SCML2: variants seen among roughly 807,000 people sequenced by gnomAD.
SCML2 encodes Scm polycomb group protein like 2, also known as sex comb on midleg-like protein 2.
Under a neutral mutation model 48.4 loss-of-function variants are expected in SCML2, and 6 were observed. The ratio of observed to expected loss-of-function variants is 0.12; its 90% CI spans 0.07 to 0.24. SCML2 has a LOEUF of 0.24. Among genes scored for constraint, SCML2 ranks in the 10% least tolerant of loss-of-function variants. SCML2 has a pLI of 1.00. For synonymous variants in SCML2, 181 were observed against 189.5 expected, an observed-to-expected ratio of 0.95 and a Z score of 0.37; for missense variants, 377 against 528.2, an observed-to-expected ratio of 0.71 and a Z score of 2.81.
chrX:18,351,210 C>T (rs1930364657), intron 1 of SCML2, among the ~76,000 whole-genome samples: 1 of 108,504 alleles, frequency 9.2e-6, no homozygotes, highest in African/African-American at 3.4e-5. Flanking sequence ...GCAGAAGCTG[C>T]AGTGGGCTGA....
intron 1 of SCML2, among the ~76,000 whole-genome samples, chrX:18,352,495 T>C (rs1264115178): frequency 8.9e-6 from 1 of 112,331 alleles, no homozygotes; most frequent in Non-Finnish European, 1.9e-5. Flanking sequence ...ATGACAAAAA[T>C]ACTGACTTCT....
intron 7 of SCML2, among the ~76,000 whole-genome samples, chrX:18,296,359 A>G (rs1312577625): frequency 9.2e-6 from 1 of 108,930 alleles, no homozygotes; most frequent in East Asian, 2.9e-4. Flanking sequence ...GAGCAAGCAG[A>G]AGAAAGAAGC....
intron 13 of SCML2, among the ~76,000 whole-genome samples, chrX:18,246,199 G>A (rs1470044696): frequency 8.9e-6 from 1 of 112,595 alleles, no homozygotes; most frequent in Admixed American, 9.4e-5. Context: ...GCTGAGGCCA[G>A]GAATGTCTCA....
At chrX:18,331,241 C>CA (rs1374018367) in intron 2 of SCML2, among the ~76,000 whole-genome samples, 2 of 73,422 alleles carry the variant, frequency 2.7e-5, no homozygotes, top group African/African-American at 1.2e-4. Context: ...GCCTGGGTGA[C>CA]AGAGCGAGAC....
intron 7 of SCML2, among the ~76,000 whole-genome samples, chrX:18,275,705 G>A (rs1415281440): frequency 8.9e-6 from 1 of 112,109 alleles, no homozygotes; most frequent in Admixed American, 9.5e-5. Context: ...TTTTGTCTCT[G>A]ATCTTATGTT....
intron 6 of SCML2, among the ~76,000 whole-genome samples, chrX:18,319,619 A>C (rs1209689772): frequency 1.8e-5 from 2 of 109,228 alleles, no homozygotes; most frequent in Non-Finnish European, 3.8e-5. Flanking sequence ...AAAAAAAAAA[A>C]AACCTGCTGA....
intron 11 of SCML2, among the ~76,000 whole-genome samples, chrX:18,254,219 G>T (rs1369965030): frequency 8.9e-6 from 1 of 112,253 alleles, no homozygotes; most frequent in East Asian, 2.8e-4. Context: ...CAGAATCAAA[G>T]TCTCCTAAGA....
chrX:18,320,068 T>C (rs1259402652), intron 6 of SCML2, among the ~76,000 whole-genome samples: 1 of 112,612 alleles, frequency 8.9e-6, no homozygotes, highest in East Asian at 2.8e-4. Context: ...CAAACATGTC[T>C]ATATGCTAAT....
intron 6 of SCML2, among the ~76,000 whole-genome samples, chrX:18,316,325 G>A (rs1974000769): frequency 8.9e-6 from 1 of 111,891 alleles, no homozygotes; most frequent in Admixed American, 9.4e-5. Context: ...GGAGGCGGAG[G>A]TTGCAGTGAG....
At chrX:18,354,569 C>G in intron 1 of SCML2, 23 bp downstream of exon 1, 2 of 273,800 alleles carry the variant, frequency 7.3e-6, no homozygotes, top group Non-Finnish European at 1.3e-5. Context: ...CCATTCCTTA[C>G]GGGGCCCGGA....
intron 1 of SCML2, among the ~76,000 whole-genome samples, chrX:18,340,680 G>A (rs759484893): frequency 9.2e-6 from 1 of 108,678 alleles, no homozygotes; most frequent in African/African-American, 3.3e-5. Flanking sequence ...CGTGATGGCA[G>A]GCACCTGTAA....
chrX:18,251,309 CAAAAAAAAAAAAA>C (rs750658948), intron 11 of SCML2, among the ~76,000 whole-genome samples: 379 of 6,771 alleles, frequency 0.056, 9 homozygotes, highest in South Asian at 0.073. Flanking sequence ...GATTCCATTG[CAAAAAAAAAAAAA>C]AAAAAAAAAA....
At position 18,266,256 on chromosome X, in the gene SCML2, C is replaced by T. The variant is rs1927254246; in HGVS notation, c.731-454G>A. On this transcript the variant is annotated intron_variant, in intron 7 of 14. Coordinates refer to ENST00000251900, the MANE Select transcript of SCML2 (RefSeq NM_006089.3). ...GTTTCAGAGGGCAGGGGCTCCCTTG[C>T]TCTTGACTTTTTTCAGATTTAATGA... 2.7e-5 allele frequency among the ~76,000 whole-genome samples: 3 copies of T among 111,551 alleles called. No individual in the cohort carries two copies. In the South Asian group the frequency reaches 1.1e-3, roughly 43 times the overall value.
chrX:18,268,931 C>T (rs1388608040), intron 7 of SCML2, among the ~76,000 whole-genome samples: 2 of 111,345 alleles, frequency 1.8e-5, no homozygotes, highest in Non-Finnish European at 3.8e-5. Flanking sequence ...CTTGCTGTCT[C>T]TTACTACTTT....
In SCML2 at chrX:18,336,464, C is replaced by T. The variant is rs545701994; in HGVS notation, c.-24-2369G>A. On this transcript the variant is annotated intron_variant, in intron 1 of 14. Transcript: ENST00000251900. ...AAAAAAAAAAAAAAATGGCCAGGCA[C>T]GGTAGCTCATGCCTGTAATCCCAGC... Among the ~76,000 whole-genome samples, 226 of 91,665 alleles carry T rather than the reference C, an allele frequency of 2.5e-3. 1 individual carries two copies. Among genetic ancestry groups the T allele is most frequent in the Admixed American group, 9.2e-3 (73 of 7,972 alleles). The allele number at this position is 91,665 out of a possible 115,157, so 79.6% of individuals were successfully genotyped here.
At chrX:18,320,461 T>C (rs750552528) in intron 5 of SCML2, 41 bp from the exon 6 acceptor site, 25 of 831,117 alleles carry the variant, frequency 3.0e-5, no homozygotes, top group East Asian at 2.9e-4. Flanking sequence ...AAAAGCCTCC[T>C]TGTGATACTA....
At chrX:18,335,994 G>A (rs985678789) in intron 1 of SCML2, among the ~76,000 whole-genome samples, 3 of 111,940 alleles carry the variant, frequency 2.7e-5, no homozygotes, top group East Asian at 2.8e-4. Flanking sequence ...ATAAGGCAAC[G>A]GTATTCAAAA....
chrX:18,329,741 G>T (rs888697927), intron 3 of SCML2, among the ~76,000 whole-genome samples: 3 of 112,252 alleles, frequency 2.7e-5, no homozygotes, highest in African/African-American at 9.7e-5. Flanking sequence ...TTTATTTCCA[G>T]TAGTGCCATG....
At chrX:18,321,131 C>A (rs907167710) in intron 5 of SCML2, among the ~76,000 whole-genome samples, 6 of 111,385 alleles carry the variant, frequency 5.4e-5, no homozygotes, top group Non-Finnish European at 1.1e-4. Context: ...ATTTTTTCAC[C>A]TTTTCTGTAT....
Sources: gnomAD v4.1 joint callset for allele counts (sites outside exome capture counted in the v4.1 genomes callset) on GRCh38, gnomAD v4.1.1 for gene constraint, MANE v1.5 for transcripts, NCBI Gene and HGNC (gene_info 2026-07-23, HGNC 2026-07-21) for gene names.